C2CD2: variants seen among roughly 807,000 people sequenced by gnomAD.
The protein encoded by C2CD2 is C2 domain-containing protein 2.
C2CD2 carries 43 observed loss-of-function variants against 74.3 expected under a neutral mutation model. The observed-to-expected ratio is 0.58, with a 90% CI of 0.45 to 0.75. The LOEUF is 0.75. Ranked by LOEUF, C2CD2 falls within the 30% of genes least tolerant of loss-of-function variation. The pLI, the probability that C2CD2 is intolerant of heterozygous loss-of-function variation, is 0.00. For missense variants in C2CD2, 801 were observed against 916.3 expected, an observed-to-expected ratio of 0.87 and a Z score of 1.63; for synonymous variants, 422 against 390.7, an observed-to-expected ratio of 1.08 and a Z score of -0.94.
chr21:41,915,479 C>T (rs541064908), intron 5 of C2CD2, among the ~76,000 whole-genome samples: 2 of 151,944 alleles, frequency 1.3e-5, no homozygotes, highest in East Asian at 3.9e-4. Context: ...CTCTGTTGTC[C>T]GGGCTAGAGT....
chr21:41,953,385 C>A lies in C2CD2; in HGVS notation c.264G>T (p.Glu88Asp). ...GGAAACTCACCCCTTTCCTCTCGGC[C>A]TCCTCGTTCAGGGCGGTCACCCAGG... is the stretch of plus-strand genomic sequence containing the variant. ...QAAWVTALNEEAERKGGPPFL... is the reference protein window; with the variant it reads ...QAAWVTALNEDAERKGGPPFL... Residue 88 changes from glutamate (E) to aspartate (D), a missense_variant, in exon 1 of 14, where the codon GAG becomes GAT. By Grantham distance (45) the Glu-to-Asp change is conservative (BLOSUM62 2). Coordinates refer to ENST00000380486, the MANE Select transcript of C2CD2 (RefSeq NM_015500.2). 1 of 1,419,292 alleles carries A rather than the reference C, an allele frequency of 7.0e-7. No homozygotes were observed. Among genetic ancestry groups the A allele is most frequent in the Non-Finnish European group, 9.2e-7 (1 of 1,083,328 alleles). 87.9% of individuals were successfully genotyped at this position (1,419,292 alleles called of 1,614,324 possible).
rs908474228 is a variant in C2CD2 at position 41,945,815 on chromosome 21, A to G, written c.280-3570T>C. Among the ~76,000 whole-genome samples, 12 of 152,294 alleles carry G rather than the reference A, an allele frequency of 7.9e-5. No homozygotes were observed. The East Asian group carries it at 1.7e-3, about 22-fold the overall frequency. ...TATGAAGAAGGTGACGGCTTTCCCT[A>G]CCATCATGATTGTAAGTTTCCTGAG... On this transcript the variant is annotated intron_variant, in intron 1 of 13. Coordinates refer to ENST00000380486, the MANE Select transcript of C2CD2 (RefSeq NM_015500.2). This position sits in a 1 kb window ranked among gnomAD's most constrained non-coding sequence, Gnocchi z 4.2.
intron 13 of C2CD2, among the ~76,000 whole-genome samples, chr21:41,897,565 A>G (rs1408781641): frequency 6.6e-6 from 1 of 152,200 alleles, no homozygotes; most frequent in African/African-American, 2.4e-5. Flanking sequence ...GGGTCCATGC[A>G]TCAAGCACCC....
In C2CD2 at chr21:41,894,421, G is replaced by A. The variant is rs149318446; in HGVS notation, c.1870+4632C>T. On this transcript the variant is annotated intron_variant, in intron 13 of 13. Coordinates refer to ENST00000380486, the MANE Select transcript of C2CD2 (RefSeq NM_015500.2). ...GGCTGGGGTCGCACACTAATGGGACGGGTGTGTGACATTGCGCTTTCTGGC... is the reference window on the plus strand; with the variant it reads ...GGCTGGGGTCGCACACTAATGGGACAGGTGTGTGACATTGCGCTTTCTGGC... Among the ~76,000 whole-genome samples, 32 of 152,294 alleles carry A rather than the reference G, an allele frequency of 2.1e-4. No homozygotes were observed. In the East Asian group the frequency reaches 5.2e-3, roughly 25 times the overall value.
At chr21:41,914,867 G>A (rs898696500) in intron 5 of C2CD2, 146 bp from the exon 6 acceptor site, 4 of 610,030 alleles carry the variant, frequency 6.6e-6, no homozygotes, top group Admixed American at 3.0e-5. Context: ...TCTGGGATCT[G>A]CTCTGAAACA....
At chr21:41,912,778 C>T (rs771964873) in intron 6 of C2CD2, among the ~76,000 whole-genome samples, 14 of 152,118 alleles carry the variant, frequency 9.2e-5, no homozygotes, top group African/African-American at 1.2e-4. Context: ...CATGAGCTAC[C>T]GCGCCCAGCA....
chr21:41,922,519 G>C (rs1464226920), intron 2 of C2CD2, among the ~76,000 whole-genome samples: 2 of 147,988 alleles, frequency 1.4e-5, no homozygotes, highest in South Asian at 2.1e-4. Flanking sequence ...CTGTCACCCA[G>C]GCTGAAGTGC....
intron 13 of C2CD2, among the ~76,000 whole-genome samples, chr21:41,897,221 A>G (rs2064834171): frequency 6.6e-6 from 1 of 152,252 alleles, no homozygotes. Flanking sequence ...GGCTGTGTGA[A>G]GGAACACAGA....
At position 41,897,385 on chromosome 21, in the gene C2CD2, G is replaced by A. The variant is rs371213411; in HGVS notation, c.1870+1668C>T. Among the ~76,000 whole-genome samples the A allele has an allele frequency of 9.2e-5, 14 of 152,142 alleles. No homozygotes were observed. The East Asian group carries it at 1.2e-3, about 13-fold the overall frequency. On this transcript the variant is annotated intron_variant, in intron 13 of 13. Transcript: ENST00000380486. ...CCCACCCTGCACCCATGTTTGTCCC[G>A]CTTCGCCCAGCACTCACTGTCTACA... is the stretch of plus-strand genomic sequence containing the variant.
chr21:41,953,553 G>C lies in C2CD2; in HGVS notation c.96C>G (p.Tyr32Ter). ...FVAALATVGL[Y>*]LAQWALARAR... is the part of the protein sequence containing the mutation. ...CCCTGGCCAGCGCCCACTGCGCCAG[G>C]TACAGGCCTACCGTGGCCAGGGCCG... The change falls in exon 1 of 14, where the codon TAC becomes TAG. Residue 32 changes from tyrosine to a stop codon, truncating the protein, a stop_gained. Coordinates refer to ENST00000380486, the MANE Select transcript of C2CD2 (RefSeq NM_015500.2). LOFTEE classifies it high-confidence loss of function. 6.7e-7 allele frequency: 1 copy of C among 1,495,216 alleles called. No homozygotes were observed. Among genetic ancestry groups the C allele is most frequent in the Non-Finnish European group, 8.8e-7 (1 of 1,130,324 alleles). 92.6% of individuals were successfully genotyped at this position (1,495,216 alleles called of 1,614,324 possible).
intron 2 of C2CD2, among the ~76,000 whole-genome samples, chr21:41,932,043 T>A (rs2065267117): frequency 7.9e-6 from 1 of 127,228 alleles, no homozygotes; most frequent in Non-Finnish European, 1.7e-5. Flanking sequence ...ACCTCAAGCA[T>A]CCCACCACCC....
chr21:41,939,038 G>C lies in C2CD2; in HGVS notation c.378+3109C>G, dbSNP rs193194126. Among the ~76,000 whole-genome samples, 99 of 152,202 alleles carry C rather than the reference G, an allele frequency of 6.5e-4. No homozygotes were observed. The highest frequency in any genetic ancestry group is 2.4e-3 in the African/African-American group (98 of 41,526). On this transcript the variant is annotated intron_variant, in intron 2 of 13. Transcript: ENST00000380486. This position sits in a 1 kb window ranked among gnomAD's most constrained non-coding sequence, Gnocchi z 5.5. The stretch of plus-strand genomic sequence containing the variant: ...ATTATAAGCGCGAGCCACGGCACCC[G>C]GCCTAGAATGTCCTCACTTTCTATG...
chr21:41,943,615 C>T (rs2065373734), intron 1 of C2CD2, among the ~76,000 whole-genome samples: 1 of 152,214 alleles, frequency 6.6e-6, no homozygotes, highest in African/African-American at 2.4e-5. Flanking sequence ...GGTCCAGCTA[C>T]AAGGCGTGAC....
intron 11 of C2CD2, 152 bp downstream of exon 11, chr21:41,905,572 C>T: frequency 1.8e-6 from 1 of 551,652 alleles, no homozygotes; most frequent in East Asian, 3.2e-5. Flanking sequence ...CCCGCCTCAG[C>T]CTCCCAAAGT....
intron 2 of C2CD2, among the ~76,000 whole-genome samples, chr21:41,938,175 A>G (rs1323813639): frequency 6.6e-6 from 1 of 152,060 alleles, no homozygotes; most frequent in Admixed American, 6.5e-5. Flanking sequence ...GTGTATATAT[A>G]TATATATATA....
intron 7 of C2CD2, among the ~76,000 whole-genome samples, chr21:41,910,035 C>T (rs993598518): frequency 4.7e-5 from 7 of 150,232 alleles, no homozygotes; most frequent in Admixed American, 2.7e-4. Flanking sequence ...AGTCTTGCTA[C>T]GTTGCCCAGG....
At chr21:41,934,779 A>T (rs1348852418) in intron 2 of C2CD2, among the ~76,000 whole-genome samples, 5 of 151,938 alleles carry the variant, frequency 3.3e-5, no homozygotes, top group Admixed American at 6.6e-5. Flanking sequence ...CGAGCCACAC[A>T]GAGGAAGAGA....
chr21:41,922,511 G>GTC (rs1271094901), intron 2 of C2CD2, among the ~76,000 whole-genome samples: 2 of 145,540 alleles, frequency 1.4e-5, no homozygotes, highest in Non-Finnish European at 3.0e-5. Context: ...GTCTCACTCT[G>GTC]TCACCCAGGC....
chr21:41,898,028 T>C (rs1220373415), intron 13 of C2CD2, among the ~76,000 whole-genome samples: 1 of 152,174 alleles, frequency 6.6e-6, no homozygotes, highest in Non-Finnish European at 1.5e-5. Flanking sequence ...GGCTTGAGAA[T>C]CACTGGTCTA....
Sources: gnomAD v4.1 joint callset for allele counts (sites outside exome capture counted in the v4.1 genomes callset) on GRCh38, gnomAD v4.1.1 for gene constraint, Gnocchi (gnomAD v3.1) non-coding constraint, MANE v1.5 for transcripts, NCBI Gene and HGNC (gene_info 2026-07-23, HGNC 2026-07-21) for gene names.